TRAP1: variants seen among roughly 807,000 people sequenced by gnomAD.
TRAP1 encodes TNF receptor associated protein 1.
Under a neutral mutation model 89.1 loss-of-function variants are expected in TRAP1, and 102 were observed. That is an observed-to-expected ratio of 1.15 (90% CI 0.98 to 1.35). TRAP1 has a LOEUF of 1.35. TRAP1 is among the 40% of genes most tolerant of loss of function. TRAP1 has a pLI of 0.00. For missense variants in TRAP1, 1,256 were observed against 945.3 expected, an observed-to-expected ratio of 1.33 and a Z score of -4.31; for synonymous variants, 508 against 388.0, an observed-to-expected ratio of 1.31 and a Z score of -3.64.
At position 3,676,145 on chromosome 16, in the gene TRAP1, A is replaced by G. The variant is rs2151256538; in HGVS notation, c.705T>C (p.Gly235=). The G allele has an allele frequency of 6.2e-7, 1 of 1,613,394 alleles. No individual in the cohort carries two copies. Among genetic ancestry groups the G allele is most frequent in the Non-Finnish European group, 8.5e-7 (1 of 1,179,680 alleles). ...CTTCGGCGATTTCAAACACTCCAGA[A>G]CTAAGGCAGGCAAAGAAAGGAAAAG... ...GSLGYQWLSD[G]SGVFEIAEAS... The change falls in exon 7 of 18, where the codon GGT becomes GGC. Residue 235 remains glycine (G), a splice_region_variant and synonymous_variant. Coordinates refer to ENST00000246957, the MANE Select transcript of TRAP1 (RefSeq NM_016292.3).
intron 5 of TRAP1, among the ~76,000 whole-genome samples, chr16:3,679,018 G>A (rs895977875): frequency 6.6e-6 from 1 of 152,186 alleles, no homozygotes; most frequent in African/African-American, 2.4e-5. Context: ...GATGGTTCTG[G>A]TCAGAACTGC....
intron 1 of TRAP1, among the ~76,000 whole-genome samples, chr16:3,698,154 G>GTA (rs550921371): frequency 2.3e-4 from 35 of 151,888 alleles, no homozygotes; most frequent in African/African-American, 7.7e-4. Flanking sequence ...TATGGGAGGA[G>GTA]TATATAGAAG....
At chr16:3,667,239 C>G (rs545223016) in intron 11 of TRAP1, among the ~76,000 whole-genome samples, 1 of 152,042 alleles carries the variant, frequency 6.6e-6, no homozygotes, top group African/African-American at 2.4e-5. Flanking sequence ...AGAGTCAGAG[C>G]CCAAGTAGGT....
intron 1 of TRAP1, among the ~76,000 whole-genome samples, chr16:3,701,661 T>G (rs192542628): frequency 1.4e-3 from 215 of 151,966 alleles, no homozygotes; most frequent in African/African-American, 5.1e-3. Flanking sequence ...AAACTATATA[T>G]GAACACAGCA....
At chr16:3,667,121 G>T (rs2050843841) in intron 11 of TRAP1, among the ~76,000 whole-genome samples, 1 of 152,152 alleles carries the variant, frequency 6.6e-6, no homozygotes, top group African/African-American at 2.4e-5. Context: ...AGAGCCCAGG[G>T]AAGGTGTCTA....
At chr16:3,658,949 T>A in intron 16 of TRAP1, 84 bp from the exon 17 acceptor site, 1 of 1,402,212 alleles carries the variant, frequency 7.1e-7, no homozygotes. Context: ...ATCAGGATAT[T>A]TAAAGAAGCA....
chr16:3,658,465 C>G (rs750841749), intron 17 of TRAP1: 2 of 581,062 alleles, frequency 3.4e-6, no homozygotes, highest in East Asian at 2.9e-5. Context: ...CGGTGGCTCA[C>G]GAGGTCAGGA....
intron 8 of TRAP1, chr16:3,674,906 CT>C (rs1410407030): frequency 3.1e-6 from 1 of 324,194 alleles, no homozygotes. Flanking sequence ...GGAGAAACGT[CT>C]GGAACAGGCA....
chr16:3,661,995 G>T lies in TRAP1; in HGVS notation c.1932C>A (p.Ile644=). The change falls in exon 16 of 18, where the codon ATC becomes ATA. Residue 644 remains isoleucine, a synonymous_variant. Coordinates refer to ENST00000246957, the MANE Select transcript of TRAP1 (RefSeq NM_016292.3). ...CAGGAGCGTGGCCTCACCTGGGGTT[G>T]ATCTCCAGCGTGGGCTGCAGGAGCT... ...RAQLLQPTLE[I]NPRHALIKKL... 1 of 1,607,184 alleles carries T rather than the reference G, an allele frequency of 6.2e-7. No individual in the cohort carries two copies.
chr16:3,667,044 G>C (rs527987750), intron 11 of TRAP1, among the ~76,000 whole-genome samples: 10 of 152,210 alleles, frequency 6.6e-5, no homozygotes, highest in Non-Finnish European at 1.5e-4. Flanking sequence ...TTCAGCCACA[G>C]GGCAGAATGG....
At chr16:3,713,127 G>A (rs1173347840) in intron 1 of TRAP1, among the ~76,000 whole-genome samples, 2 of 152,060 alleles carry the variant, frequency 1.3e-5, no homozygotes, top group South Asian at 2.1e-4. Flanking sequence ...AGACAGAGTC[G>A]CAACTGACCA....
chr16:3,703,944 G>A (rs2051404113), intron 1 of TRAP1, among the ~76,000 whole-genome samples: 1 of 149,504 alleles, frequency 6.7e-6, no homozygotes, highest in Non-Finnish European at 1.5e-5. Context: ...GAACGCGGGA[G>A]GCGGAGCGTG....
At chr16:3,669,698 G>T (rs953133633) in intron 11 of TRAP1, among the ~76,000 whole-genome samples, 2 of 151,772 alleles carry the variant, frequency 1.3e-5, no homozygotes, top group African/African-American at 4.8e-5. Context: ...GCTGGGCGTG[G>T]TGGTGGGTGC....
rs576259609 is a variant in TRAP1 at position 3,666,083 on chromosome 16, T to G, written c.1271A>C (p.Lys424Thr). The change falls in exon 12 of 18, where the codon AAA (lysine) becomes ACA (threonine). Residue 424 changes from lysine (K) to threonine (T), a missense_variant. Transcript: ENST00000246957. ...LRDVLQQRLI[K>T]FFIDQSKKDA... is the part of the protein sequence containing the mutation. ...TTTTTTACTCTGGTCAATGAAGAAT[T>G]TGATCAGCCTCTGCTGTAAAACGTC... 6 of 1,614,048 alleles carry G rather than the reference T, an allele frequency of 3.7e-6. No homozygotes were observed. In the African/African-American group the frequency reaches 6.7e-5, roughly 18 times the overall value.
intron 4 of TRAP1, 125 bp from the exon 5 acceptor site, chr16:3,679,915 A>C (rs2051052872): frequency 3.7e-6 from 3 of 809,672 alleles, no homozygotes; most frequent in Non-Finnish European, 6.2e-6. Context: ...GCCAGGTAGC[A>C]CCAGATGCTC....
At chr16:3,694,997 G>A (rs924430302) in intron 1 of TRAP1, among the ~76,000 whole-genome samples, 1 of 152,084 alleles carries the variant, frequency 6.6e-6, no homozygotes. Flanking sequence ...CTTGGCTTGT[G>A]GGTGGTCATC....
intron 1 of TRAP1, among the ~76,000 whole-genome samples, chr16:3,698,815 G>A (rs1357299663): frequency 6.6e-6 from 1 of 151,978 alleles, no homozygotes; most frequent in African/African-American, 2.4e-5. Flanking sequence ...GAGCCTGCAA[G>A]GCAGAGGTTG....
intron 1 of TRAP1, among the ~76,000 whole-genome samples, chr16:3,706,143 C>T (rs1341102003): frequency 5.3e-5 from 8 of 151,626 alleles, no homozygotes; most frequent in East Asian, 3.9e-4. Flanking sequence ...TTAGTAGAGA[C>T]GGGTTTTGCC....
chr16:3,688,402 T>C (rs922825287), intron 3 of TRAP1, among the ~76,000 whole-genome samples: 13 of 152,082 alleles, frequency 8.5e-5, no homozygotes, highest in Non-Finnish European at 1.6e-4. Flanking sequence ...GACCTGCAGG[T>C]AGTCCCACCA....
Sources: allele counts gnomAD v4.1 joint callset (sites outside exome capture counted in the v4.1 genomes callset), GRCh38; gene constraint gnomAD v4.1.1; transcripts MANE v1.5; gene names NCBI Gene and HGNC (gene_info 2026-07-23, HGNC 2026-07-21).